The following COG6 variants were observed in gnomAD, a reference collection of about 807,000 sequenced individuals.
COG6 encodes component of oligomeric golgi complex 6.
COG6 carries 74 observed loss-of-function variants against 88.8 expected under a neutral mutation model. The observed-to-expected ratio is 0.83, with a 90% confidence interval of 0.69 to 1.01. COG6 has a LOEUF of 1.01. Among genes scored for constraint, COG6 ranks in the 50% least tolerant of loss-of-function variants. The pLI is 0.00. For missense variants in COG6, 800 were observed against 797.9 expected (o/e 1.00, Z -0.03); for synonymous variants, 286 against 278.7 (o/e 1.03, Z -0.26).
chr13:39,784,763 TAGAA>T (rs1377517597), intron 18 of COG6, among the ~76,000 whole-genome samples: 6 of 152,160 alleles, frequency 3.9e-5, no homozygotes, highest in South Asian at 4.2e-4. Context: ...TTCAAGAGAA[TAGAA>T]AGAGAGGAAC....
chr13:39,719,233 T>C lies in COG6; in HGVS notation c.1285-3T>C, dbSNP rs1366244394. The stretch of plus-strand genomic sequence containing the variant: ...GGAGTGGGTAAATCATCTCTTGTTT[T>C]AGGTTGAACTCCCACCACCTGATCT... On this transcript the variant is annotated splice_region_variant and splice_polypyrimidine_tract_variant and intron_variant, in intron 13 of 18. Transcript: ENST00000455146. 10 of 1,612,208 alleles carry C rather than the reference T, an allele frequency of 6.2e-6. No homozygotes were observed. The highest frequency in any genetic ancestry group is 2.2e-5 in the South Asian group (2 of 91,032).
chr13:39,661,230 A>G (rs769889895), intron 3 of COG6, among the ~76,000 whole-genome samples: 5 of 152,180 alleles, frequency 3.3e-5, no homozygotes, highest in Non-Finnish European at 5.9e-5. Flanking sequence ...TGTGCCTGAT[A>G]AAGACCTAGC....
chr13:39,664,250 T>C (rs4566029), intron 3 of COG6: 101,723 of 153,830 alleles, frequency 0.66, 33,879 homozygotes, highest in Admixed American at 0.77. Flanking sequence ...AACAGACTGA[T>C]TCACCTTCTA....
At chr13:39,786,752 G>T (rs1047561263) in intron 18 of COG6, among the ~76,000 whole-genome samples, 2 of 152,138 alleles carry the variant, frequency 1.3e-5, no homozygotes, top group African/African-American at 4.8e-5. Flanking sequence ...ACTTGGATTT[G>T]ACCCACAGCA....
intron 18 of COG6, among the ~76,000 whole-genome samples, chr13:39,746,363 C>A (rs1469682785): frequency 1.3e-5 from 2 of 151,998 alleles, no homozygotes; most frequent in Admixed American, 1.3e-4. Context: ...TGTGATTGAT[C>A]AAAATAGTAA....
chr13:39,747,674 A>G (rs1880413977), intron 18 of COG6, among the ~76,000 whole-genome samples: 1 of 152,170 alleles, frequency 6.6e-6, no homozygotes. Flanking sequence ...ATCTGTGTTT[A>G]TGTGGTACTG....
rs1878635321 is a variant in COG6 at position 39,718,162 on chromosome 13, T to C, written c.1285-1074T>C. On this transcript the variant is annotated intron_variant, in intron 13 of 18. Transcript: ENST00000455146. ...CTGTGCATGGACTATATTTTCTTGTTTGCTTGCATGTTTTATGATTTTTTT... is the reference window on the plus strand; with the variant it reads ...CTGTGCATGGACTATATTTTCTTGTCTGCTTGCATGTTTTATGATTTTTTT... 2.0e-5 allele frequency among the ~76,000 whole-genome samples: 3 copies of C among 152,172 alleles called. No individual in the cohort carries two copies. In the South Asian group the frequency reaches 6.2e-4, roughly 31 times the overall value.
chr13:39,678,480 T>C (rs571363293), intron 5 of COG6, among the ~76,000 whole-genome samples: 1 of 152,350 alleles, frequency 6.6e-6, no homozygotes, highest in Admixed American at 6.5e-5. Flanking sequence ...TTTCATCTAA[T>C]TAATTTTTTA....
At chr13:39,788,682 G>T in exon 19 of COG6, 1 of 290,678 alleles carries the variant, frequency 3.4e-6, no homozygotes, top group Non-Finnish European at 6.4e-6. Context: ...AATTGTGTTG[G>T]CTATTATCAC....
intron 18 of COG6, among the ~76,000 whole-genome samples, 166 bp downstream of exon 18, chr13:39,727,714 A>T (rs1348002955): frequency 3.9e-5 from 6 of 152,158 alleles, no homozygotes; most frequent in Non-Finnish European, 4.4e-5. Context: ...TGAGATCTGA[A>T]CATGTCTGTA....
chr13:39,724,667 A>AT (rs1879038904), intron 17 of COG6, 106 bp downstream of exon 17: 3 of 884,790 alleles, frequency 3.4e-6, no homozygotes, highest in Non-Finnish European at 5.7e-6. Context: ...TTATCTCTTG[A>AT]CATGCTGTAT....
chr13:39,747,215 A>G (rs9532427), intron 18 of COG6, among the ~76,000 whole-genome samples: 32,597 of 152,104 alleles, frequency 0.21, 3,781 homozygotes, highest in Non-Finnish European at 0.26. Flanking sequence ...AAAATACTTA[A>G]TAAAAGTGAG....
rs1475767005 is a variant in COG6 at position 39,752,314 on chromosome 13, G to A, written c.*1221G>A. On this transcript the variant is annotated 3_prime_UTR_variant, in exon 19 of 19. Coordinates refer to ENST00000455146, the MANE Select transcript of COG6 (RefSeq NM_020751.3). ...ATTATGTGTTGTATATAACAAATTA[G>A]TATTTATAGAATATGACCTATTTAT... 4 of 834,612 alleles carry A rather than the reference G, an allele frequency of 4.8e-6. No individual in the cohort carries two copies. Among genetic ancestry groups the A allele is most frequent in the Admixed American group, 3.5e-5 (1 of 28,346 alleles). The allele number at this position is 834,612 out of a possible 1,614,324, so 51.7% of individuals were successfully genotyped here. A position where few individuals can be genotyped will look rare whatever the true frequency, so the allele number is the denominator to read the frequency against.
At chr13:39,722,356 C>T (rs1327073725) in intron 15 of COG6, among the ~76,000 whole-genome samples, 1 of 151,166 alleles carries the variant, frequency 6.6e-6, no homozygotes, top group East Asian at 1.9e-4. Flanking sequence ...AGTAGTGTTG[C>T]CTCAGGAAAG....
chr13:39,736,127 A>G (rs905663751), intron 18 of COG6, among the ~76,000 whole-genome samples: 1 of 151,926 alleles, frequency 6.6e-6, no homozygotes, highest in Non-Finnish European at 1.5e-5. Context: ...TTTAAGGCCA[A>G]CAACTCTTGG....
intron 4 of COG6, among the ~76,000 whole-genome samples, chr13:39,667,416 G>A (rs1408453950): frequency 1.3e-5 from 2 of 152,134 alleles, no homozygotes; most frequent in East Asian, 1.9e-4. Context: ...TTATAGAATT[G>A]CAAATTGCCT....
At chr13:39,756,442 GAGAA>G (rs1007536386), downstream of COG6, among the ~76,000 whole-genome samples, 4 of 152,088 alleles carry the variant, frequency 2.6e-5, no homozygotes, top group African/African-American at 9.7e-5. Context: ...CAGAGAAAAA[GAGAA>G]AGAGTCTGAA....
intron 18 of COG6, among the ~76,000 whole-genome samples, chr13:39,740,445 A>C (rs1181527934): frequency 1.3e-5 from 2 of 152,214 alleles, no homozygotes; most frequent in Non-Finnish European, 2.9e-5. Context: ...CGATGAATTT[A>C]AAAGAGGATA....
chr13:39,670,247 A>G (rs1165724453), intron 4 of COG6, among the ~76,000 whole-genome samples: 1 of 152,152 alleles, frequency 6.6e-6, no homozygotes, highest in Non-Finnish European at 1.5e-5. Context: ...TAATCAGGAA[A>G]GACTATATGT....
Sources: allele counts gnomAD v4.1 joint callset (sites outside exome capture counted in the v4.1 genomes callset), GRCh38; gene constraint gnomAD v4.1.1; transcripts MANE v1.5; gene names NCBI Gene and HGNC (gene_info 2026-07-23, HGNC 2026-07-21).